The following CREBRF variants were observed in gnomAD, a reference collection of about 807,000 sequenced individuals.
CREBRF encodes the protein UPF0474 protein C5orf41.
In CREBRF, 5 loss-of-function variants were observed where a neutral mutation model predicts 66.1. That is an observed-to-expected ratio of 0.08 (90% CI 0.04 to 0.16). The LOEUF (loss-of-function observed/expected upper bound fraction) is 0.16, where lower values mean the gene tolerates loss of function less well. Among genes scored for constraint, CREBRF ranks in the 10% least tolerant of loss-of-function variants. The probability of loss-of-function intolerance (pLI) is 1.00; values close to 1 mark genes in which losing one functional copy is unlikely to be tolerated. For synonymous variants in CREBRF, 229 were observed against 264.4 expected (o/e 0.87, Z 1.30); for missense variants, 531 against 744.9 (o/e 0.71, Z 3.34).
intron 1 of CREBRF, among the ~76,000 whole-genome samples, chr5:173,074,946 G>A (rs1327797353): frequency 1.3e-5 from 2 of 152,048 alleles, no homozygotes; most frequent in Non-Finnish European, 2.9e-5. Flanking sequence ...AAAACTCTCC[G>A]AATGTGAGGA....
chr5:173,102,280 T>A (rs961341604), intron 4 of CREBRF, among the ~76,000 whole-genome samples: 2 of 152,204 alleles, frequency 1.3e-5, no homozygotes, highest in African/African-American at 2.4e-5. Context: ...TGTCCCTGAT[T>A]ATTTGTGATC....
chr5:173,087,009 C>T lies in CREBRF; in HGVS notation c.135+383C>T, dbSNP rs1015639953. ...TTGCCCAGGCTGGAGTGCAGTGGTG[C>T]GATCTCGGCTCACTGCAACCTCCAT... On this transcript the variant is annotated intron_variant, in intron 3 of 8. Coordinates refer to ENST00000296953, the MANE Select transcript of CREBRF (RefSeq NM_153607.3). Among the ~76,000 whole-genome samples, 17 of 146,696 alleles carry T rather than the reference C, an allele frequency of 1.2e-4. 1 individual carries two copies. The highest frequency in any genetic ancestry group is 1.5e-4 in the African/African-American group (6 of 39,634).
intron 1 of CREBRF, among the ~76,000 whole-genome samples, chr5:173,069,174 A>G (rs1006933901): frequency 9.9e-5 from 15 of 152,138 alleles, no homozygotes; most frequent in African/African-American, 3.6e-4. Flanking sequence ...AGATCTGAGA[A>G]TAAAAATAGC....
At chr5:173,064,725 C>G (rs1472230502) in intron 1 of CREBRF, among the ~76,000 whole-genome samples, 1 of 151,976 alleles carries the variant, frequency 6.6e-6, no homozygotes, top group Non-Finnish European at 1.5e-5. Context: ...CCACCATGCC[C>G]AGCTAATTTT....
At chr5:173,064,138 G>T (rs1364884824) in intron 1 of CREBRF, among the ~76,000 whole-genome samples, 2 of 152,036 alleles carry the variant, frequency 1.3e-5, no homozygotes. Flanking sequence ...ATTTTGTCCT[G>T]AGGGTTTGAG....
chr5:173,127,162 C>CTTTTTTTT (rs70984944), intron 8 of CREBRF, among the ~76,000 whole-genome samples: 1 of 114,762 alleles, frequency 8.7e-6, no homozygotes, highest in Non-Finnish European at 1.8e-5. Context: ...GTTTCTTTTT[C>CTTTTTTTT]TTTTTTTTTT....
intron 1 of CREBRF, among the ~76,000 whole-genome samples, chr5:173,057,071 CAG>C (rs1201961658): frequency 1.3e-5 from 2 of 152,054 alleles, no homozygotes; most frequent in African/African-American, 2.4e-5. Context: ...GTCCCCGCCT[CAG>C]AGGCGACGGG....
In CREBRF at chr5:173,085,421, T is replaced by C; in HGVS notation, c.10-1080T>C. 3 of 913,646 alleles carry C rather than the reference T, an allele frequency of 3.3e-6. No homozygotes were observed. The South Asian group carries it at 4.3e-5, about 13-fold the overall frequency. The allele number at this position is 913,646 out of a possible 1,614,324, so 56.6% of individuals were successfully genotyped here. ...GTATCGTCAAATACATTCTTTTTTT[T>C]TTTTTCTTTTTGGAGACGGAGTTTC... is the stretch of plus-strand genomic sequence containing the variant. On this transcript the variant is annotated intron_variant, in intron 2 of 8. Transcript: ENST00000296953.
chr5:173,129,209 C>T (rs1256154902), intron 8 of CREBRF, among the ~76,000 whole-genome samples: 7 of 144,636 alleles, frequency 4.8e-5, no homozygotes, highest in South Asian at 2.2e-4. Flanking sequence ...CTCCACCTCC[C>T]GGGTTCAAGC....
At chr5:173,126,776 T>C (rs1336261497) in intron 8 of CREBRF, among the ~76,000 whole-genome samples, 2 of 152,258 alleles carry the variant, frequency 1.3e-5, no homozygotes, top group Admixed American at 6.5e-5. Context: ...TTTTGGTAGT[T>C]TGTTCCTACC....
At chr5:173,104,740 A>AGAGAGAGAGAGT (rs375098647) in intron 4 of CREBRF, among the ~76,000 whole-genome samples, 87 of 146,226 alleles carry the variant, frequency 5.9e-4, no homozygotes, top group African/African-American at 2.1e-3. Flanking sequence ...AGAGAGAGAG[A>AGAGAGAGAGAGT]GTGTGTGTGT....
chr5:173,112,387 TAA>T lies in CREBRF; in HGVS notation c.1681+10_1681+11del, dbSNP rs1581035965. ...GCCTCAACACAGAATATGGTAAACCTAAAGTTTTAAGAAGTTGATTAACCACC... is the reference window on the plus strand; with the variant it reads ...GCCTCAACACAGAATATGGTAAACCTAGTTTTAAGAAGTTGATTAACCACC... On this transcript the variant is annotated intron_variant, in intron 7 of 8. Transcript: ENST00000296953. 1.9e-6 allele frequency: 3 copies of T among 1,554,516 alleles called. No homozygotes were observed. The East Asian group carries it at 7.0e-5, about 36-fold the overall frequency.
Position 173,133,791 on chromosome 5 carries a change from G to A in CREBRF, c.*46G>A, listed in dbSNP as rs776410261. 7 of 957,720 alleles carry A rather than the reference G, an allele frequency of 7.3e-6. No homozygotes were observed. The highest frequency in any genetic ancestry group is 2.9e-5 in the South Asian group (2 of 69,266). 59.3% of individuals were successfully genotyped at this position (957,720 alleles called of 1,614,324 possible). A position where few individuals can be genotyped will look rare whatever the true frequency, so the allele number is the denominator to read the frequency against. ...GTCAGAAATGTCTGCGTTTTGTCAC[G>A]TTATCCATTGTAAATTTTCATTCTG... On this transcript the variant is annotated 3_prime_UTR_variant, in exon 9 of 9. Coordinates refer to ENST00000296953, the MANE Select transcript of CREBRF (RefSeq NM_153607.3).
chr5:173,124,385 C>G (rs1053509149), intron 8 of CREBRF: 3 of 151,920 alleles, frequency 2.0e-5, no homozygotes, highest in African/African-American at 7.3e-5. Flanking sequence ...TGGTAAAACC[C>G]TGTCTCTACT....
In CREBRF at chr5:173,101,551, G is replaced by GT. The variant is rs760914746; in HGVS notation, c.1223-7057dup. 7.3e-3 allele frequency among the ~76,000 whole-genome samples: 1,044 copies of GT among 142,664 alleles called. 4 individuals carry two copies. The highest frequency in any genetic ancestry group is 0.011 in the Middle Eastern group (3 of 276). 93.6% of individuals were successfully genotyped at this position (142,664 alleles called of 152,430 possible). ...TTTGATTATAATGTGTCTTAGTGAA[G>GT]TTTTTTTTTTTTTTTTAAGACGAAG... On this transcript the variant is annotated intron_variant, in intron 4 of 8. Coordinates refer to ENST00000296953, the MANE Select transcript of CREBRF (RefSeq NM_153607.3).
rs11323849 is a variant in CREBRF, at chr5:173,136,958, TAA to T, written c.*3226_*3227del. On this transcript the variant is annotated 3_prime_UTR_variant, in exon 9 of 9. Coordinates refer to ENST00000296953, the MANE Select transcript of CREBRF (RefSeq NM_153607.3). ...CTTTGACTCTAGTACTACTATGATT[TAA>T]AAAAAAAAAAAACCAACAAAAACCT... The T allele has an allele frequency of 3.0e-4, 44 of 144,982 alleles. No individual in the cohort carries two copies. Among genetic ancestry groups the T allele is most frequent in the East Asian group, 1.0e-3 (5 of 4,990 alleles). 9.0% of individuals were successfully genotyped at this position (144,982 alleles called of 1,614,324 possible).
chr5:173,084,375 G>C (rs1367763981), intron 2 of CREBRF, among the ~76,000 whole-genome samples: 2 of 152,180 alleles, frequency 1.3e-5, no homozygotes, highest in Non-Finnish European at 2.9e-5. Flanking sequence ...GGTGGAACCA[G>C]GGAACAGCTT....
intron 3 of CREBRF, among the ~76,000 whole-genome samples, chr5:173,088,598 A>G (rs2113732009): frequency 6.6e-6 from 1 of 152,056 alleles, no homozygotes; most frequent in African/African-American, 2.4e-5. Flanking sequence ...GAAAACATTG[A>G]GCAAGGCATG....
intron 4 of CREBRF, 160 bp downstream of exon 4, chr5:173,091,561 A>C: frequency 7.0e-7 from 1 of 1,432,014 alleles, no homozygotes; most frequent in Non-Finnish European, 9.2e-7. Flanking sequence ...TTTCTATTCA[A>C]ATAGCTCTAA....
Sources: allele counts gnomAD v4.1 joint callset (sites outside exome capture counted in the v4.1 genomes callset), GRCh38; gene constraint gnomAD v4.1.1; transcripts MANE v1.5; gene names NCBI Gene and HGNC (gene_info 2026-07-23, HGNC 2026-07-21).